Variants in CCSER1 observed in about 807,000 individuals in gnomAD.
CCSER1 encodes coiled-coil serine rich protein 1, also known as serine-rich coiled-coil domain-containing protein 1.
CCSER1 carries 41 observed loss-of-function variants against 82.0 expected under a neutral mutation model. That is an observed-to-expected ratio of 0.50 (90% CI 0.39 to 0.65). CCSER1 has a LOEUF of 0.65. Ranked by LOEUF, CCSER1 falls within the 30% of genes least tolerant of loss-of-function variation. The pLI, the probability that CCSER1 is intolerant of heterozygous loss-of-function variation, is 0.00. For synonymous variants in CCSER1, 414 were observed against 383.9 expected (o/e 1.08, Z -0.92); for missense variants, 1,119 against 1,064.2 (o/e 1.05, Z -0.72).
At chr4:91,339,037 T>G (rs1747520451) in intron 10 of CCSER1, among the ~76,000 whole-genome samples, 1 of 152,208 alleles carries the variant, frequency 6.6e-6, no homozygotes, top group Non-Finnish European at 1.5e-5. Flanking sequence ...AACTATCTTT[T>G]TATTCTTCTG....
At chr4:90,745,194 T>C (rs1374199451) in intron 7 of CCSER1, among the ~76,000 whole-genome samples, 1 of 152,134 alleles carries the variant, frequency 6.6e-6, no homozygotes, top group African/African-American at 2.4e-5. Context: ...CCTTTTGAAC[T>C]TCTAGAAGCT....
intron 10 of CCSER1, among the ~76,000 whole-genome samples, chr4:91,369,046 T>G (rs1238347722): frequency 6.6e-6 from 1 of 152,230 alleles, no homozygotes; most frequent in African/African-American, 2.4e-5. Flanking sequence ...ACACTCATCA[T>G]GAAGTGACTT....
rs1341179262 is a variant in CCSER1, at chr4:90,709,534, A to G, written c.1933-14380A>G. ...CCACTTAAAAGTGAGAATATACAGT[A>G]TTTGGTTTTCTGTTCCTTCACTAGT... is the stretch of plus-strand genomic sequence containing the variant. On this transcript the variant is annotated intron_variant, in intron 6 of 10. Transcript: ENST00000509176. 2.0e-5 allele frequency among the ~76,000 whole-genome samples: 3 copies of G among 152,050 alleles called. No homozygotes were observed. The East Asian group carries it at 5.8e-4, about 29-fold the overall frequency.
Position 91,599,053 on chromosome 4 carries a change from G to C in CCSER1, c.2699G>C (p.Gly900Ala). 6.5e-7 allele frequency: 1 copy of C among 1,534,374 alleles called. No homozygotes were observed. Among genetic ancestry groups the C allele is most frequent in the Non-Finnish European group, 8.8e-7 (1 of 1,135,314 alleles). Residue 900 changes from glycine to alanine, a missense_variant, in exon 11 of 11, where the codon GGG becomes GCG. Transcript: ENST00000509176. ...TELQTLGQQDG is the reference protein window; with the variant it reads ...TELQTLGQQDA The stretch of plus-strand genomic sequence containing the variant: ...CTGCAAACTCTAGGCCAGCAGGATG[G>C]GTAATTAAATCACCGTATTCCTGTC...
At position 90,972,433 on chromosome 4, in the gene CCSER1, A is replaced by C. The variant is rs568258003; in HGVS notation, c.2172+48986A>C. ...CAGCAACACCATTTAAAATATCATA[A>C]GAAATAAAAAAAACTTAAGAATAAA... On this transcript the variant is annotated intron_variant, in intron 9 of 10. Coordinates refer to ENST00000509176, the MANE Select transcript of CCSER1 (RefSeq NM_001145065.2). Among the ~76,000 whole-genome samples, 208 of 151,924 alleles carry C rather than the reference A, an allele frequency of 1.4e-3. 1 individual carries two copies. The highest frequency in any genetic ancestry group is 4.7e-3 in the African/African-American group (195 of 41,468).
intron 10 of CCSER1, among the ~76,000 whole-genome samples, chr4:91,571,783 C>T (rs527628794): frequency 6.6e-6 from 1 of 152,232 alleles, no homozygotes; most frequent in South Asian, 2.1e-4. Context: ...TCAGTGCAAT[C>T]AGCCTAGGAT....
At chr4:90,130,588 T>C (rs1722651685) in intron 1 of CCSER1, among the ~76,000 whole-genome samples, 1 of 152,214 alleles carries the variant, frequency 6.6e-6, no homozygotes, top group Non-Finnish European at 1.5e-5. Flanking sequence ...AGGTTGAGTC[T>C]GTTTTGGATG....
At chr4:91,072,955 A>T (rs577785685) in intron 9 of CCSER1, among the ~76,000 whole-genome samples, 16 of 152,232 alleles carry the variant, frequency 1.1e-4, no homozygotes, top group Non-Finnish European at 2.4e-4. Context: ...TATGGTTACA[A>T]TATTGCTTAA....
rs1189661543 is a variant in CCSER1 at position 91,335,248 on chromosome 4, T to G, written c.2217+249254T>G. Among the ~76,000 whole-genome samples the G allele has an allele frequency of 2.6e-5, 4 of 152,084 alleles. No homozygotes were observed. In the East Asian group the frequency reaches 7.8e-4, roughly 30 times the overall value. ...GCATGAAACTGAGGGCAAAATGTAT[T>G]TTCTGTTTCCTACCCCAATCCCCAG... On this transcript the variant is annotated intron_variant, in intron 10 of 10. Coordinates refer to ENST00000509176, the MANE Select transcript of CCSER1 (RefSeq NM_001145065.2).
chr4:90,912,594 A>T (rs1023957931), intron 8 of CCSER1, among the ~76,000 whole-genome samples: 1 of 152,190 alleles, frequency 6.6e-6, no homozygotes, highest in East Asian at 1.9e-4. Context: ...TCCTCCTCCA[A>T]AGGAGTGCAG....
intron 5 of CCSER1, among the ~76,000 whole-genome samples, chr4:90,566,863 A>G (rs1779461307): frequency 6.6e-6 from 1 of 151,814 alleles, no homozygotes. Flanking sequence ...CGGCCTCCCA[A>G]AGTGCTGGGA....
intron 1 of CCSER1, among the ~76,000 whole-genome samples, chr4:90,201,355 G>A (rs770946219): frequency 2.0e-5 from 3 of 151,964 alleles, no homozygotes; most frequent in Non-Finnish European, 2.9e-5. Context: ...AAAGAAGGTA[G>A]CAAAGATATT....
intron 1 of CCSER1, among the ~76,000 whole-genome samples, chr4:90,197,639 G>A (rs1457057285): frequency 6.6e-6 from 1 of 152,128 alleles, no homozygotes; most frequent in Non-Finnish European, 1.5e-5. Context: ...CAACATGGAT[G>A]GAACCGGAGG....
chr4:91,521,544 G>A (rs1305756935), intron 10 of CCSER1, among the ~76,000 whole-genome samples: 1 of 152,182 alleles, frequency 6.6e-6, no homozygotes, highest in Admixed American at 6.5e-5. Flanking sequence ...ACCATCTGTT[G>A]TTTCCTGACT....
Position 91,227,257 on chromosome 4 carries a change from G to A in CCSER1, c.2217+141263G>A, listed in dbSNP as rs546315707. Among the ~76,000 whole-genome samples the A allele has an allele frequency of 3.3e-5, 5 of 151,622 alleles. No homozygotes were observed. In the East Asian group the frequency reaches 5.8e-4, roughly 18 times the overall value. ...TATACCATAAAGGAGTTGAAAAATA[G>A]CTACAACTTAAAACAACAGACAATA... On this transcript the variant is annotated intron_variant, in intron 10 of 10. Transcript: ENST00000509176.
intron 10 of CCSER1, among the ~76,000 whole-genome samples, chr4:91,424,421 A>G (rs17018498): frequency 0.036 from 5,515 of 152,166 alleles, 381 homozygotes; most frequent in African/African-American, 0.13. Flanking sequence ...CAAACCTTCA[A>G]TATCTGGGTC....
intron 10 of CCSER1, among the ~76,000 whole-genome samples, chr4:91,409,280 A>G (rs755690369): frequency 7.9e-5 from 12 of 152,170 alleles, no homozygotes; most frequent in Non-Finnish European, 1.5e-4. Flanking sequence ...TTACCACTTA[A>G]TATGCCCTTA....
intron 10 of CCSER1, among the ~76,000 whole-genome samples, chr4:91,512,594 C>G (rs970859132): frequency 1.3e-5 from 2 of 152,180 alleles, no homozygotes. Context: ...ATTAACTTGA[C>G]AAACTTAATA....
chr4:91,323,840 C>T (rs1746365468), intron 10 of CCSER1, among the ~76,000 whole-genome samples: 1 of 152,158 alleles, frequency 6.6e-6, no homozygotes, highest in East Asian at 1.9e-4. Context: ...TAGACTGGAA[C>T]TACTTGCCAC....
Sources: gnomAD v4.1 joint callset for allele counts (sites outside exome capture counted in the v4.1 genomes callset) on GRCh38, gnomAD v4.1.1 for gene constraint, MANE v1.5 for transcripts, NCBI Gene and HGNC (gene_info 2026-07-23, HGNC 2026-07-21) for gene names.